CYP19A1: variants seen among roughly 807,000 people sequenced by gnomAD.
CYP19A1 encodes the protein cytochrome P450 family 19 subfamily A member 1.
In CYP19A1, 32 loss-of-function variants were observed where a neutral mutation model predicts 44.4. That is an observed-to-expected ratio of 0.72 (90% CI 0.54 to 0.97). The LOEUF (loss-of-function observed/expected upper bound fraction) is 0.97. Ranked by LOEUF, CYP19A1 falls within the 50% of genes least tolerant of loss-of-function variation. CYP19A1 has a pLI of 0.00. For missense variants in CYP19A1, 598 were observed against 637.8 expected (o/e 0.94, Z 0.67); for synonymous variants, 212 against 215.6 (o/e 0.98, Z 0.14).
At chr15:51,222,877 A>T (rs892121743) in intron 4 of CYP19A1, among the ~76,000 whole-genome samples, 1 of 152,148 alleles carries the variant, frequency 6.6e-6, no homozygotes, top group African/African-American at 2.4e-5. Flanking sequence ...ATTTTTTCAT[A>T]TTTATTGCAT....
At chr15:51,218,770 G>A (rs2031815820) in intron 5 of CYP19A1, 115 bp from the exon 6 acceptor site, 2 of 1,515,908 alleles carry the variant, frequency 1.3e-6, no homozygotes, top group East Asian at 2.5e-5. Flanking sequence ...CAGTCTGGGG[G>A]TTCTAAGCTC....
rs1420756407 is a variant in CYP19A1, at chr15:51,310,987, C to T, written c.-39+27508G>A. 3.9e-5 allele frequency among the ~76,000 whole-genome samples: 6 copies of T among 152,322 alleles called. No individual in the cohort carries two copies. In the East Asian group the frequency reaches 1.2e-3, roughly 29 times the overall value. On this transcript the variant is annotated intron_variant, in intron 1 of 9. Coordinates refer to ENST00000396402, the MANE Select transcript of CYP19A1 (RefSeq NM_000103.4). Reference sequence around the variant, plus strand: ...AGACAGAGCTTGCTGTTGAACTTAACGGGGTTGATTACCTGCTAAAACAAA... The same window carrying T: ...AGACAGAGCTTGCTGTTGAACTTAATGGGGTTGATTACCTGCTAAAACAAA...
intron 6 of CYP19A1, among the ~76,000 whole-genome samples, chr15:51,216,944 G>A (rs1478342498): frequency 2.6e-5 from 4 of 152,146 alleles, no homozygotes; most frequent in Non-Finnish European, 5.9e-5. Context: ...TTCTTTGTAA[G>A]TGTATTGTTC....
intron 1 of CYP19A1, chr15:51,313,140 C>A (rs74987962): frequency 6.6e-6 from 1 of 152,238 alleles, no homozygotes; most frequent in Admixed American, 6.5e-5. Context: ...ACAAAGTAGT[C>A]TCTGTGAGTG....
chr15:51,243,290 C>G (rs940529847), intron 1 of CYP19A1, among the ~76,000 whole-genome samples: 1 of 152,180 alleles, frequency 6.6e-6, no homozygotes, highest in Non-Finnish European at 1.5e-5. Flanking sequence ...AAATAAAGCT[C>G]ATTCCAGAGG....
intron 1 of CYP19A1, chr15:51,321,619 A>G (rs1240275967): frequency 6.6e-6 from 1 of 152,202 alleles, no homozygotes; most frequent in Non-Finnish European, 1.5e-5. Context: ...ATGATTTTTT[A>G]AGGTCCCACT....
intron 4 of CYP19A1, among the ~76,000 whole-genome samples, chr15:51,224,127 AAC>A (rs1312061307): frequency 9.9e-5 from 15 of 152,228 alleles, no homozygotes; most frequent in African/African-American, 2.9e-4. Context: ...AGTTTTGGGA[AAC>A]ACATGCTATT....
At chr15:51,290,269 T>C (rs1287968316) in intron 1 of CYP19A1, among the ~76,000 whole-genome samples, 1 of 152,228 alleles carries the variant, frequency 6.6e-6, no homozygotes, top group Non-Finnish European at 1.5e-5. Flanking sequence ...GCATAGATGC[T>C]GCTAGGAGCA....
At chr15:51,282,121 G>A (rs1050705734) in intron 1 of CYP19A1, among the ~76,000 whole-genome samples, 2 of 152,214 alleles carry the variant, frequency 1.3e-5, no homozygotes, top group South Asian at 4.1e-4. Flanking sequence ...AGAGGCTGGA[G>A]TAAAGGAGCA....
chr15:51,242,968 A>T lies in CYP19A1; in HGVS notation c.-38-18T>A. 7.7e-7 allele frequency: 1 copy of T among 1,301,162 alleles called. No homozygotes were observed. The highest frequency in any genetic ancestry group is 1.1e-6 in the Non-Finnish European group (1 of 894,720). 80.6% of individuals were successfully genotyped at this position (1,301,162 alleles called of 1,614,324 possible). A position where few individuals can be genotyped will look rare whatever the true frequency, so the allele number is the denominator to read the frequency against. On this transcript the variant is annotated intron_variant, in intron 1 of 9. Transcript: ENST00000396402. ...TTAGAGTCCTGTGGAAATCAAAGGGACAGAAAAATTACAGAATCCCCTAAA... is the reference window on the plus strand; with the variant it reads ...TTAGAGTCCTGTGGAAATCAAAGGGTCAGAAAAATTACAGAATCCCCTAAA...
At chr15:51,290,721 A>T (rs941704013) in intron 1 of CYP19A1, among the ~76,000 whole-genome samples, 1 of 152,244 alleles carries the variant, frequency 6.6e-6, no homozygotes, top group Non-Finnish European at 1.5e-5. Flanking sequence ...GTAGAAGCCC[A>T]GGACCACTGC....
intron 4 of CYP19A1, among the ~76,000 whole-genome samples, chr15:51,224,378 G>C (rs1054491312): frequency 6.6e-6 from 1 of 152,160 alleles, no homozygotes; most frequent in African/African-American, 2.4e-5. Flanking sequence ...AGAAATGTCA[G>C]ACACCACAGT....
chr15:51,321,640 A>C (rs2036529853), intron 1 of CYP19A1: 1 of 152,142 alleles, frequency 6.6e-6, no homozygotes, highest in Admixed American at 6.5e-5. Context: ...TATGTCCCTC[A>C]CTCATCTACA....
At chr15:51,316,644 C>T (rs138699564) in intron 1 of CYP19A1, among the ~76,000 whole-genome samples, 4 of 150,264 alleles carry the variant, frequency 2.7e-5, no homozygotes, top group East Asian at 2.0e-4. Flanking sequence ...TTTGGAAGGC[C>T]GAAGTGGGTG....
In CYP19A1 at chr15:51,210,354, T is replaced by G. The variant is rs555829416; in HGVS notation, c.*454A>C. The G allele has an allele frequency of 8.2e-5, 40 of 487,998 alleles. No homozygotes were observed. Among genetic ancestry groups the G allele is most frequent in the African/African-American group, 7.6e-4 (39 of 51,418 alleles). The allele number at this position is 487,998 out of a possible 1,614,324, so 30.2% of individuals were successfully genotyped here. Reference sequence around the variant, plus strand: ...AGAAAACAAAATTAAAGTACTTTAATTCACACTAGCAGGTGGGTTTGGCCC... The same window carrying G: ...AGAAAACAAAATTAAAGTACTTTAAGTCACACTAGCAGGTGGGTTTGGCCC... On this transcript the variant is annotated 3_prime_UTR_variant, in exon 10 of 10. Transcript: ENST00000396402.
In CYP19A1 at chr15:51,212,419, C is replaced by T. The variant is rs145044609; in HGVS notation, c.1164G>A (p.Val388=). 6.8e-6 allele frequency: 11 copies of T among 1,606,904 alleles called. No homozygotes were observed. In the South Asian group the frequency reaches 7.7e-5, roughly 11 times the overall value. The change falls in exon 9 of 10, where the codon GTG becomes GTA. Residue 388 remains valine (V), a synonymous_variant. Coordinates refer to ENST00000396402, the MANE Select transcript of CYP19A1 (RefSeq NM_000103.4). ...LEDDVIDGYP[V]KKGTNIILNI... ...TCAGGATAATGTTTGTCCCCTTTTT[C>T]ACTGGGTAGCCATCGATTACATCAT... is the stretch of plus-strand genomic sequence containing the variant.
chr15:51,337,429 A>C (rs1566930141), intron 1 of CYP19A1, among the ~76,000 whole-genome samples: 1 of 152,244 alleles, frequency 6.6e-6, no homozygotes, highest in African/African-American at 2.4e-5. Flanking sequence ...TTTCTTATTA[A>C]AGCTTCACAA....
At chr15:51,320,170 A>G (rs533703208) in intron 1 of CYP19A1, 1 of 152,432 alleles carries the variant, frequency 6.6e-6, no homozygotes, top group Admixed American at 6.5e-5. Flanking sequence ...CTCGGCTCCC[A>G]TCCCTGCTCA....
At chr15:51,256,554 G>T (rs1266087646) in intron 1 of CYP19A1, among the ~76,000 whole-genome samples, 1 of 152,120 alleles carries the variant, frequency 6.6e-6, no homozygotes, top group Non-Finnish European at 1.5e-5. Context: ...ATCCGCAAAG[G>T]CCAATAAAAT....
Sources: allele counts gnomAD v4.1 joint callset (sites outside exome capture counted in the v4.1 genomes callset), GRCh38; gene constraint gnomAD v4.1.1; transcripts MANE v1.5; gene names NCBI Gene and HGNC (gene_info 2026-07-23, HGNC 2026-07-21).